PVT1: variants seen among roughly 807,000 people sequenced by gnomAD.
The protein encoded by PVT1 is Pvt1 oncogene, also known as CXCR4/PVT1 fusion.
intron 4 of PVT1, among the ~76,000 whole-genome samples, chr8:127,990,033 T>C (rs1430613763): frequency 6.6e-6 from 1 of 152,178 alleles, no homozygotes; most frequent in Non-Finnish European, 1.5e-5. Flanking sequence ...TTTTGCAAAT[T>C]ATTCCTCAAT....
chr8:127,797,836 A>G (rs907112999), intron 2 of PVT1, among the ~76,000 whole-genome samples: 3 of 152,138 alleles, frequency 2.0e-5, no homozygotes, highest in Non-Finnish European at 2.9e-5. Context: ...TAACTTTCCT[A>G]TAAAATAGGA....
intron 4 of PVT1, among the ~76,000 whole-genome samples, chr8:128,017,304 T>C (rs1045420743): frequency 1.3e-5 from 2 of 152,256 alleles, no homozygotes; most frequent in Non-Finnish European, 2.9e-5. Context: ...CAGAGGGCAA[T>C]GGAGAATGGA....
chr8:127,912,777 A>G (rs905711421), intron 3 of PVT1, among the ~76,000 whole-genome samples: 1 of 150,928 alleles, frequency 6.6e-6, no homozygotes, highest in Non-Finnish European at 1.5e-5. Context: ...GCTCACTGCA[A>G]CCTCCACCTC....
intron 5 of PVT1, among the ~76,000 whole-genome samples, chr8:128,088,735 A>G (rs1372206589): frequency 6.6e-6 from 1 of 152,224 alleles, no homozygotes; most frequent in South Asian, 2.1e-4. Flanking sequence ...CAACTGTGAA[A>G]GGTCCAGTAC....
At chr8:128,029,009 A>AT (rs577933705) in intron 4 of PVT1, among the ~76,000 whole-genome samples, 3 of 151,188 alleles carry the variant, frequency 2.0e-5, no homozygotes, top group Non-Finnish European at 3.0e-5. Flanking sequence ...CACCTGGCTA[A>AT]TTTTTTTATT....
At chr8:128,041,676 CGTGT>C (rs1214927745) in intron 4 of PVT1, among the ~76,000 whole-genome samples, 2 of 142,912 alleles carry the variant, frequency 1.4e-5, no homozygotes, top group Admixed American at 1.4e-4. Context: ...GCGTGTTGTT[CGTGT>C]GTGTTTGTGT....
chr8:127,880,480 TAG>T (rs1342690455), intron 2 of PVT1, among the ~76,000 whole-genome samples: 5 of 148,930 alleles, frequency 3.4e-5, no homozygotes, highest in Non-Finnish European at 7.4e-5. Context: ...GTATTTTTAG[TAG>T]AGGTGGGGTT....
intron 3 of PVT1, among the ~76,000 whole-genome samples, chr8:127,929,218 A>G (rs1370812158): frequency 4.0e-5 from 3 of 75,922 alleles, no homozygotes; most frequent in African/African-American, 1.6e-4. Context: ...TTTTTTTTTT[A>G]TTTGTAAGCA....
intron 4 of PVT1, among the ~76,000 whole-genome samples, chr8:128,021,505 G>A (rs759668368): frequency 2.0e-5 from 3 of 152,092 alleles, no homozygotes; most frequent in East Asian, 1.9e-4. Flanking sequence ...ATGTTAGCCA[G>A]GATGGTCTTG....
chr8:127,867,425 A>G (rs1029390364), intron 2 of PVT1, among the ~76,000 whole-genome samples: 1 of 152,210 alleles, frequency 6.6e-6, no homozygotes, highest in African/African-American at 2.4e-5. Flanking sequence ...CTTGATGTGC[A>G]CATTCCTCGG....
chr8:127,814,672 A>AT (rs1230467077), intron 2 of PVT1, among the ~76,000 whole-genome samples: 2 of 152,204 alleles, frequency 1.3e-5, no homozygotes, highest in Non-Finnish European at 2.9e-5. Context: ...CTGTGGTAAA[A>AT]TTTACATAAT....
At chr8:127,919,419 G>C (rs189439117) in intron 3 of PVT1, among the ~76,000 whole-genome samples, 1 of 152,152 alleles carries the variant, frequency 6.6e-6, no homozygotes, top group Non-Finnish European at 1.5e-5. Context: ...TTGACTTAGC[G>C]ACACAGTCTG....
At chr8:127,949,383 G>GTGTGTGTGTGTGTGTGTGTGTT (rs1563647844) in intron 3 of PVT1, among the ~76,000 whole-genome samples, 5 of 131,380 alleles carry the variant, frequency 3.8e-5, no homozygotes, top group African/African-American at 1.4e-4. Flanking sequence ...CAGGAGCTGT[G>GTGTGTGTGTGTGTGTGTGTGTT]TGTGTGTGTG....
At chr8:127,825,573 A>G (rs762094735) in intron 2 of PVT1, among the ~76,000 whole-genome samples, 30 of 152,184 alleles carry the variant, frequency 2.0e-4, no homozygotes, top group Non-Finnish European at 3.5e-4. Context: ...GTAGATGATG[A>G]CATCTACTTC....
intron 2 of PVT1, among the ~76,000 whole-genome samples, chr8:127,854,984 TAGG>T (rs1385641873): frequency 6.6e-6 from 1 of 152,158 alleles, no homozygotes; most frequent in African/African-American, 2.4e-5. Context: ...GAAGGTGTAG[TAGG>T]AGAAGATACT....
intron 2 of PVT1, among the ~76,000 whole-genome samples, chr8:127,844,688 G>A (rs919854218): frequency 2.6e-5 from 4 of 151,078 alleles, no homozygotes. Flanking sequence ...AGGAATGGAG[G>A]TGTGTTTTTT....
intron 2 of PVT1, among the ~76,000 whole-genome samples, chr8:127,859,425 A>G (rs534419393): frequency 1.3e-5 from 2 of 152,038 alleles, no homozygotes; most frequent in Non-Finnish European, 2.9e-5. Flanking sequence ...GCTGACTCCA[A>G]ACTTGAACTC....
chr8:128,044,910 A>G (rs1813593382), intron 4 of PVT1, among the ~76,000 whole-genome samples: 1 of 152,234 alleles, frequency 6.6e-6, no homozygotes, highest in Non-Finnish European at 1.5e-5. Flanking sequence ...AATCTTGTAC[A>G]TCCATACAAT....
At chr8:128,045,829 T>C (rs926602287) in intron 4 of PVT1, among the ~76,000 whole-genome samples, 3 of 152,228 alleles carry the variant, frequency 2.0e-5, no homozygotes, top group African/African-American at 7.2e-5. Flanking sequence ...ATTTGACTCT[T>C]AGATCAGTTG....
Sources: gnomAD v4.1 joint callset for allele counts (sites outside exome capture counted in the v4.1 genomes callset) on GRCh38, gnomAD v4.1.1 for gene constraint, MANE v1.5 for transcripts, NCBI Gene and HGNC (gene_info 2026-07-23, HGNC 2026-07-21) for gene names.